The following HMGCLL1 variants were observed in gnomAD, a reference collection of about 807,000 sequenced individuals.
The protein encoded by HMGCLL1 is 3-hydroxymethyl-3-methylglutaryl-CoA lyase, cytoplasmic.
HMGCLL1 carries 36 observed loss-of-function variants against 39.1 expected under a neutral mutation model. The ratio of observed to expected loss-of-function variants is 0.92; its 90% CI spans 0.71 to 1.22. HMGCLL1 has a LOEUF of 1.22. Among genes scored for constraint, HMGCLL1 ranks in the 50% most tolerant of loss-of-function variants. HMGCLL1 has a pLI of 0.00. For synonymous variants in HMGCLL1, 149 were observed against 144.0 expected (o/e 1.03, Z -0.25); for missense variants, 451 against 416.5 (o/e 1.08, Z -0.72).
At chr6:55,459,175 G>A (rs193074040) in intron 7 of HMGCLL1, among the ~76,000 whole-genome samples, 1 of 152,142 alleles carries the variant, frequency 6.6e-6, no homozygotes, top group Non-Finnish European at 1.5e-5. Context: ...CAGCCAACAT[G>A]TACTAATTAT....
chr6:55,648,983 C>T, the HMGCLL1 span, among the ~76,000 whole-genome samples: 1 of 151,426 alleles, frequency 6.6e-6, no homozygotes, highest in Non-Finnish European at 1.5e-5. Context: ...TACTGGCAAA[C>T]CGAATCCAGC....
the HMGCLL1 span, among the ~76,000 whole-genome samples, chr6:55,585,120 T>C: frequency 6.6e-6 from 1 of 152,206 alleles, no homozygotes; most frequent in African/African-American, 2.4e-5. Context: ...AGCAATAGAA[T>C]TGTTCTGAAA....
chr6:55,588,611 C>A, the HMGCLL1 span, among the ~76,000 whole-genome samples: 1 of 152,092 alleles, frequency 6.6e-6, no homozygotes, highest in African/African-American at 2.4e-5. Flanking sequence ...ATCAATGAAT[C>A]CAGGAGCTGG....
intron 7 of HMGCLL1, among the ~76,000 whole-genome samples, chr6:55,454,999 A>C (rs1273542011): frequency 7.8e-6 from 1 of 128,956 alleles, no homozygotes; most frequent in Non-Finnish European, 1.6e-5. Context: ...GTTCCCAGCT[A>C]CTGGGGAGAC....
upstream of HMGCLL1, among the ~76,000 whole-genome samples, chr6:55,579,907 C>T (rs1279869916): frequency 1.3e-5 from 2 of 152,216 alleles, no homozygotes. Context: ...GACCACCGGC[C>T]TACCTTCCCC....
intron 5 of HMGCLL1, among the ~76,000 whole-genome samples, chr6:55,503,910 C>T (rs1419269173): frequency 6.6e-6 from 1 of 151,698 alleles, no homozygotes; most frequent in Non-Finnish European, 1.5e-5. Flanking sequence ...AGAACCATTC[C>T]CAAGAACCCT....
At chr6:55,515,627 T>G (rs1259375474) in intron 4 of HMGCLL1, among the ~76,000 whole-genome samples, 6 of 152,158 alleles carry the variant, frequency 3.9e-5, no homozygotes, top group Non-Finnish European at 8.8e-5. Flanking sequence ...CTTGCCCCTC[T>G]GAGTTAACAT....
At chr6:55,573,641 T>A (rs1236450941) in intron 1 of HMGCLL1, among the ~76,000 whole-genome samples, 1 of 151,842 alleles carries the variant, frequency 6.6e-6, no homozygotes, top group Non-Finnish European at 1.5e-5. Flanking sequence ...TCAGATTGAA[T>A]ACGGAGAAGA....
At chr6:55,526,145 C>A (rs1039133880) in intron 3 of HMGCLL1, among the ~76,000 whole-genome samples, 2 of 151,806 alleles carry the variant, frequency 1.3e-5, no homozygotes, top group Admixed American at 1.3e-4. Flanking sequence ...GACTCCAGAC[C>A]CCTATTTTTT....
At chr6:55,614,588 C>T in the HMGCLL1 span, among the ~76,000 whole-genome samples, 1 of 151,984 alleles carries the variant, frequency 6.6e-6, no homozygotes, top group Admixed American at 6.6e-5. Context: ...ATAATTTCTT[C>T]CGTTTATTAA....
chr6:55,670,837 T>C, the HMGCLL1 span, among the ~76,000 whole-genome samples: 1 of 151,822 alleles, frequency 6.6e-6, no homozygotes, highest in Non-Finnish European at 1.5e-5. Flanking sequence ...GCAACATCAA[T>C]AATTGCATTA....
intron 7 of HMGCLL1, among the ~76,000 whole-genome samples, chr6:55,451,502 A>G (rs1393285940): frequency 6.6e-6 from 1 of 152,110 alleles, no homozygotes; most frequent in Non-Finnish European, 1.5e-5. Context: ...GTATGCTGAG[A>G]TCGCGCCATT....
intron 7 of HMGCLL1, among the ~76,000 whole-genome samples, chr6:55,482,400 A>T (rs1765795231): frequency 6.6e-6 from 1 of 152,040 alleles, no homozygotes; most frequent in Non-Finnish European, 1.5e-5. Context: ...TTTTTAGTGG[A>T]TTCAGCCATG....
chr6:55,479,463 G>C (rs1393676667), intron 7 of HMGCLL1, among the ~76,000 whole-genome samples: 1 of 151,564 alleles, frequency 6.6e-6, no homozygotes, highest in South Asian at 2.1e-4. Context: ...AATCTGGGCA[G>C]TTTAATACAT....
chr6:55,522,873 G>A (rs1479954502), intron 3 of HMGCLL1, among the ~76,000 whole-genome samples: 1 of 151,998 alleles, frequency 6.6e-6, no homozygotes, highest in Non-Finnish European at 1.5e-5. Context: ...TTAACTGTGT[G>A]ATGGGGTGGA....
intron 7 of HMGCLL1, among the ~76,000 whole-genome samples, chr6:55,475,676 A>G (rs751752799): frequency 1.2e-4 from 18 of 151,642 alleles, no homozygotes; most frequent in Non-Finnish European, 1.9e-4. Flanking sequence ...TTTATCAATT[A>G]TTTTCCACTG....
the HMGCLL1 span, among the ~76,000 whole-genome samples, chr6:55,646,400 C>G: frequency 1.3e-5 from 2 of 151,392 alleles, no homozygotes; most frequent in Admixed American, 6.6e-5. Context: ...TATTTATTGT[C>G]TGATCTTTAT....
At chr6:55,472,241 A>AAT (rs1765079330) in intron 7 of HMGCLL1, among the ~76,000 whole-genome samples, 1 of 151,758 alleles carries the variant, frequency 6.6e-6, no homozygotes, top group Admixed American at 6.6e-5. Flanking sequence ...TCCCAACAGC[A>AAT]ATATGTGAGA....
intron 7 of HMGCLL1, among the ~76,000 whole-genome samples, chr6:55,484,910 A>ATT (rs147756126): frequency 1.2e-4 from 18 of 150,764 alleles, no homozygotes; most frequent in African/African-American, 4.1e-4. Flanking sequence ...AAACCCTGTA[A>ATT]TTTTTTTTTT....
Sources: allele counts gnomAD v4.1 joint callset (sites outside exome capture counted in the v4.1 genomes callset), GRCh38; gene constraint gnomAD v4.1.1; transcripts MANE v1.5; gene names NCBI Gene and HGNC (gene_info 2026-07-23, HGNC 2026-07-21).